The following CEP128 variants were observed in gnomAD, a reference collection of about 807,000 sequenced individuals.
The protein encoded by CEP128 is centrosomal protein 128, also known as centrosomal protein 128kDa.
Under a neutral mutation model 156.7 loss-of-function variants are expected in CEP128, and 132 were observed. The ratio of observed to expected loss-of-function variants is 0.84; its 90% CI spans 0.73 to 0.97. The LOEUF is 0.97. Ranked by LOEUF, CEP128 falls within the 50% of genes least tolerant of loss-of-function variation. CEP128 has a pLI of 0.00. For missense variants in CEP128, 1,252 were observed against 1,281.9 expected (o/e 0.98, Z 0.36); for synonymous variants, 469 against 448.9 (o/e 1.04, Z -0.57).
In CEP128 at chr14:80,521,462, T is replaced by C. The variant is rs1418284905; in HGVS notation, c.3072+5407A>G. ...TTGATTTCTGAATAAGCACTTTAGA[T>C]CCATTACGATTTTCAGATTTTATAA... On this transcript the variant is annotated intron_variant, in intron 23 of 24. Coordinates refer to ENST00000555265, the MANE Select transcript of CEP128 (RefSeq NM_152446.5). Among the ~76,000 whole-genome samples, 3 of 152,302 alleles carry C rather than the reference T, an allele frequency of 2.0e-5. No individual in the cohort carries two copies. The East Asian group carries it at 5.8e-4, about 29-fold the overall frequency.
intron 19 of CEP128, among the ~76,000 whole-genome samples, chr14:80,581,879 G>C (rs776769449): frequency 1.6e-4 from 24 of 152,288 alleles, no homozygotes; most frequent in South Asian, 4.1e-4. Context: ...CTTCCATCAA[G>C]AGGCCATGCA....
chr14:80,934,047 A>C (rs189310582), intron 2 of CEP128, among the ~76,000 whole-genome samples: 73 of 152,304 alleles, frequency 4.8e-4, no homozygotes, highest in African/African-American at 1.6e-3. Flanking sequence ...CATGCAAGCA[A>C]GTCACTTACT....
At position 80,627,449 on chromosome 14, in the gene CEP128, T is replaced by C. The variant is rs139842502; in HGVS notation, c.2807-47026A>G. Among the ~76,000 whole-genome samples, 141 of 152,358 alleles carry C rather than the reference T, an allele frequency of 9.3e-4. 1 individual carries two copies. Among genetic ancestry groups the C allele is most frequent in the South Asian group, 8.3e-4 (4 of 4,828 alleles). On this transcript the variant is annotated intron_variant, in intron 19 of 24. Transcript: ENST00000555265. ...ACGCATCACATGAAGTGTCCACCTA[T>C]GTACAGTACCTCATTACTAATGCTG...
intron 19 of CEP128, among the ~76,000 whole-genome samples, chr14:80,678,398 C>T (rs1382587562): frequency 1.3e-5 from 2 of 149,706 alleles, no homozygotes; most frequent in South Asian, 2.1e-4. Flanking sequence ...AAATCTGTAT[C>T]AGAATAAACA....
intron 20 of CEP128, among the ~76,000 whole-genome samples, chr14:80,573,306 T>A (rs138840881): frequency 6.6e-6 from 1 of 152,314 alleles, no homozygotes; most frequent in East Asian, 1.9e-4. Context: ...ATGCTTTGAT[T>A]TTCCATTTTA....
intron 6 of CEP128, among the ~76,000 whole-genome samples, chr14:80,902,872 G>T (rs1021727135): frequency 6.6e-6 from 1 of 152,076 alleles, no homozygotes; most frequent in African/African-American, 2.4e-5. Flanking sequence ...TGCTGAACAA[G>T]AAAGGAAACA....
intron 2 of CEP128, among the ~76,000 whole-genome samples, chr14:80,924,447 G>A (rs2059719): frequency 6.6e-6 from 1 of 152,102 alleles, no homozygotes; most frequent in Non-Finnish European, 1.5e-5. Flanking sequence ...AATGAAAGAT[G>A]AAAGTAAATA....
At chr14:80,727,252 A>G (rs1044963911) in intron 19 of CEP128, among the ~76,000 whole-genome samples, 1 of 152,198 alleles carries the variant, frequency 6.6e-6, no homozygotes, top group African/African-American at 2.4e-5. Context: ...GAAGCAGTAG[A>G]GCATCTCACT....
At chr14:80,846,902 T>C (rs140159213) in intron 9 of CEP128, among the ~76,000 whole-genome samples, 34 of 152,336 alleles carry the variant, frequency 2.2e-4, no homozygotes, top group African/African-American at 8.2e-4. Flanking sequence ...TGTTTTATCA[T>C]TATTCAATAC....
intron 19 of CEP128, among the ~76,000 whole-genome samples, chr14:80,645,740 C>T (rs1894605940): frequency 6.6e-6 from 1 of 152,102 alleles, no homozygotes; most frequent in African/African-American, 2.4e-5. Context: ...ATGAACTGAA[C>T]ATTTATGTCT....
At chr14:80,704,541 T>C (rs1897174849) in intron 19 of CEP128, among the ~76,000 whole-genome samples, 1 of 152,070 alleles carries the variant, frequency 6.6e-6, no homozygotes, top group African/African-American at 2.4e-5. Flanking sequence ...TTCCACCACA[T>C]CTGTATGTTA....
intron 19 of CEP128, among the ~76,000 whole-genome samples, chr14:80,614,859 G>A (rs1041084773): frequency 6.6e-6 from 1 of 152,096 alleles, no homozygotes. Flanking sequence ...TTTCATACTA[G>A]ACTATAACTC....
At chr14:80,524,875 G>C (rs1341111221) in intron 23 of CEP128, among the ~76,000 whole-genome samples, 3 of 152,118 alleles carry the variant, frequency 2.0e-5, no homozygotes, top group Non-Finnish European at 4.4e-5. Context: ...TTTCAAATTT[G>C]TTTTTCATTT....
At chr14:80,948,982 C>A (rs567368542) in intron 2 of CEP128, among the ~76,000 whole-genome samples, 6 of 152,178 alleles carry the variant, frequency 3.9e-5, no homozygotes, top group African/African-American at 1.2e-4. Flanking sequence ...TGCCACTAAG[C>A]CAATTTCATG....
intron 13 of CEP128, among the ~76,000 whole-genome samples, chr14:80,819,507 A>G (rs1009230185): frequency 6.6e-6 from 1 of 151,912 alleles, no homozygotes; most frequent in Non-Finnish European, 1.5e-5. Context: ...CGGCCTCCCA[A>G]AGTGCTGGGA....
intron 20 of CEP128, among the ~76,000 whole-genome samples, chr14:80,570,291 G>C (rs1239729978): frequency 6.6e-6 from 1 of 151,956 alleles, no homozygotes; most frequent in Non-Finnish European, 1.5e-5. Context: ...CTAATTTTTT[G>C]TGTTTTAGTA....
chr14:80,895,794 G>GGAA lies in CEP128; in HGVS notation c.573-7_573-5dup. 3 of 1,285,710 alleles carry GGAA rather than the reference G, an allele frequency of 2.3e-6. No individual in the cohort carries two copies. Among genetic ancestry groups the GGAA allele is most frequent in the Non-Finnish European group, 3.0e-6 (3 of 1,005,310 alleles). 79.6% of individuals were successfully genotyped at this position (1,285,710 alleles called of 1,614,324 possible). A position where few individuals can be genotyped will look rare whatever the true frequency, so the allele number is the denominator to read the frequency against. ...CCTTTTTGTTTCGGCATCTGACCTA[G>GGAA]GAAGAAAAAAAAAAAAAAGATTTAA... On this transcript the variant is annotated splice_region_variant and splice_polypyrimidine_tract_variant and intron_variant, in intron 7 of 24. Coordinates refer to ENST00000555265, the MANE Select transcript of CEP128 (RefSeq NM_152446.5).
chr14:80,599,772 C>A (rs1288744692), intron 19 of CEP128, among the ~76,000 whole-genome samples: 3 of 151,808 alleles, frequency 2.0e-5, no homozygotes, highest in Non-Finnish European at 2.9e-5. Context: ...GGAAATCATA[C>A]CCAAAGAACT....
downstream of CEP128, among the ~76,000 whole-genome samples, chr14:80,487,242 C>CA (rs1887186778): frequency 6.6e-6 from 1 of 152,014 alleles, no homozygotes; most frequent in African/African-American, 2.4e-5. Flanking sequence ...TCTGATAAAA[C>CA]AGACTTTAAA....
Sources: gnomAD v4.1 joint callset for allele counts (sites outside exome capture counted in the v4.1 genomes callset) on GRCh38, gnomAD v4.1.1 for gene constraint, MANE v1.5 for transcripts, NCBI Gene and HGNC (gene_info 2026-07-23, HGNC 2026-07-21) for gene names.